PIP4P2: variants seen among roughly 807,000 people sequenced by gnomAD.
PIP4P2 encodes type 2 phosphatidylinositol 4,5-bisphosphate 4-phosphatase.
PIP4P2 carries 19 observed loss-of-function variants against 33.3 expected under a neutral mutation model. The observed-to-expected ratio is 0.57, with a 90% CI of 0.40 to 0.84. The LOEUF (loss-of-function observed/expected upper bound fraction) is 0.84. Among genes scored for constraint, PIP4P2 ranks in the 40% least tolerant of loss-of-function variants. PIP4P2 has a pLI of 0.00. For missense variants in PIP4P2, 270 were observed against 324.7 expected (o/e 0.83, Z 1.29); for synonymous variants, 110 against 111.9 (o/e 0.98, Z 0.11).
intron 1 of PIP4P2, among the ~76,000 whole-genome samples, chr8:91,021,630 T>A (rs1445487927): frequency 6.6e-6 from 1 of 152,214 alleles, no homozygotes; most frequent in Admixed American, 6.6e-5. Flanking sequence ...CATGTTTGCC[T>A]AGGTCTATCC....
chr8:91,009,623 T>G (rs542349686), intron 4 of PIP4P2, among the ~76,000 whole-genome samples: 1 of 152,040 alleles, frequency 6.6e-6, no homozygotes, highest in South Asian at 2.1e-4. Flanking sequence ...ATTAAAATTG[T>G]TTCATTTGGA....
At chr8:91,008,041 C>T (rs1346814093) in intron 5 of PIP4P2, among the ~76,000 whole-genome samples, 3 of 152,146 alleles carry the variant, frequency 2.0e-5, no homozygotes, top group East Asian at 3.9e-4. Flanking sequence ...TTTGCTCCAT[C>T]TGCCTTTTCC....
chr8:91,014,874 C>T (rs758305061), intron 4 of PIP4P2, among the ~76,000 whole-genome samples: 14 of 151,372 alleles, frequency 9.2e-5, no homozygotes, highest in Non-Finnish European at 1.9e-4. Flanking sequence ...TATATCAAAA[C>T]ATTAGGCTGT....
rs190920021 is a variant in PIP4P2 at position 91,023,334 on chromosome 8, T to C, written c.107-1930A>G. On this transcript the variant is annotated intron_variant, in intron 1 of 6. Coordinates refer to ENST00000285419, the MANE Select transcript of PIP4P2 (RefSeq NM_018710.3). ...TTACACAGTATGATAGAAAGGAAAC[T>C]TAAATGCAAGACAGTTTTATAAAGA... 4.7e-3 allele frequency among the ~76,000 whole-genome samples: 714 copies of C among 152,092 alleles called. 8 individuals carry two copies. The highest frequency in any genetic ancestry group is 0.016 in the African/African-American group (664 of 41,494).
intron 4 of PIP4P2, among the ~76,000 whole-genome samples, chr8:91,016,915 C>A (rs1326723518): frequency 6.6e-6 from 1 of 152,026 alleles, no homozygotes; most frequent in African/African-American, 2.4e-5. Context: ...AAGGAGGGGG[C>A]AATTATTTGT....
chr8:90,995,477 A>G lies in PIP4P2; in HGVS notation c.*200T>C, dbSNP rs1401523967. 2.1e-6 allele frequency: 1 copy of G among 473,012 alleles called. No homozygotes were observed. Among genetic ancestry groups the G allele is most frequent in the Non-Finnish European group, 3.3e-6 (1 of 303,518 alleles). 29.3% of individuals were successfully genotyped at this position (473,012 alleles called of 1,614,324 possible). A position where few individuals can be genotyped will look rare whatever the true frequency, so the allele number is the denominator to read the frequency against. ...AACATGAAAAGGCTTTATTATTCAA[A>G]TTTTGAAAACCTAGCAGCAAAACAA... On this transcript the variant is annotated 3_prime_UTR_variant, in exon 7 of 7. Transcript: ENST00000285419.
chr8:91,018,103 C>T (rs1811944771), intron 4 of PIP4P2, among the ~76,000 whole-genome samples: 2 of 152,048 alleles, frequency 1.3e-5, no homozygotes, highest in South Asian at 4.2e-4. Context: ...TCAGCTGCTC[C>T]CCAAGCCAAG....
intron 5 of PIP4P2, among the ~76,000 whole-genome samples, chr8:90,997,056 A>C (rs1811638118): frequency 6.6e-6 from 1 of 152,174 alleles, no homozygotes; most frequent in African/African-American, 2.4e-5. Context: ...AATCTATTTC[A>C]GAATGGAAAA....
At chr8:91,035,838 G>A (rs1004815822) in intron 1 of PIP4P2, among the ~76,000 whole-genome samples, 2 of 152,070 alleles carry the variant, frequency 1.3e-5, no homozygotes, top group African/African-American at 2.4e-5. Flanking sequence ...ACACCAGCCT[G>A]GGCAAGCTGG....
intron 5 of PIP4P2, among the ~76,000 whole-genome samples, chr8:91,000,655 T>G (rs1056355313): frequency 6.6e-6 from 1 of 152,132 alleles, no homozygotes; most frequent in East Asian, 1.9e-4. Context: ...ATTGAAAATA[T>G]GCCTTTTGTC....
At position 91,040,670 on chromosome 8, in the gene PIP4P2, G is replaced by A. The variant is rs750802951; in HGVS notation, c.80C>T (p.Pro27Leu). 4 of 1,613,630 alleles carry A rather than the reference G, an allele frequency of 2.5e-6. No individual in the cohort carries two copies. Among genetic ancestry groups the A allele is most frequent in the Non-Finnish European group, 3.4e-6 (4 of 1,180,028 alleles). ...HSGNVTPTAP[P>L]YLQESSPRAE... ...TCTGGGGCTGCTTTCTTGCAAGTAC[G>A]GTGGGGCGGTGGGAGTGACATTTCC... Residue 27 changes from proline (P) to leucine (L), a missense_variant, in exon 1 of 7, where the codon CCG becomes CTG. Physicochemically the swap from Pro to Leu is moderately conservative, Grantham distance 98. Coordinates refer to ENST00000285419, the MANE Select transcript of PIP4P2 (RefSeq NM_018710.3).
chr8:91,018,606 AC>A, intron 3 of PIP4P2, 93 bp from the exon 4 acceptor site: 1 of 1,539,260 alleles, frequency 6.5e-7, no homozygotes, highest in Non-Finnish European at 8.8e-7. Flanking sequence ...AATGTGCTAT[AC>A]TTGTTTCATA....
At chr8:91,002,376 C>T (rs543144391) in intron 5 of PIP4P2, among the ~76,000 whole-genome samples, 1 of 152,280 alleles carries the variant, frequency 6.6e-6, no homozygotes, top group Non-Finnish European at 1.5e-5. Context: ...TGCTCTCAAA[C>T]ATCTAACTAT....
chr8:91,019,916 A>T (rs989515905), intron 3 of PIP4P2, among the ~76,000 whole-genome samples: 2 of 152,208 alleles, frequency 1.3e-5, no homozygotes, highest in Non-Finnish European at 2.9e-5. Flanking sequence ...CAGTGCATTA[A>T]GTACTTACAT....
chr8:91,018,226 C>A (rs1811946993), intron 4 of PIP4P2, among the ~76,000 whole-genome samples, 164 bp downstream of exon 4: 1 of 152,174 alleles, frequency 6.6e-6, no homozygotes, highest in Admixed American at 6.5e-5. Flanking sequence ...ACAGAAGATG[C>A]TCTATATCCT....
intron 1 of PIP4P2, among the ~76,000 whole-genome samples, chr8:91,032,991 C>A (rs1455861362): frequency 2.6e-5 from 4 of 152,080 alleles, no homozygotes; most frequent in African/African-American, 9.7e-5. Flanking sequence ...CATTTGTATG[C>A]ATTTGGCAAA....
chr8:91,033,262 A>C (rs974230845), intron 1 of PIP4P2, among the ~76,000 whole-genome samples: 1 of 152,198 alleles, frequency 6.6e-6, no homozygotes, highest in African/African-American at 2.4e-5. Flanking sequence ...ACATGACTGA[A>C]ACAGAATAGT....
chr8:91,037,894 T>C (rs932023735), intron 1 of PIP4P2, among the ~76,000 whole-genome samples: 3 of 152,152 alleles, frequency 2.0e-5, no homozygotes, highest in South Asian at 4.1e-4. Flanking sequence ...ACATCAAAAC[T>C]GTGTAAATTT....
intron 5 of PIP4P2, among the ~76,000 whole-genome samples, chr8:91,006,764 T>TTC (rs1563562610): frequency 6.6e-6 from 1 of 152,000 alleles, no homozygotes; most frequent in African/African-American, 2.4e-5. Context: ...AGGTCAGGAG[T>TTC]TCGAGACCAG....
Sources: allele counts gnomAD v4.1 joint callset (sites outside exome capture counted in the v4.1 genomes callset), GRCh38; gene constraint gnomAD v4.1.1; transcripts MANE v1.5; gene names NCBI Gene and HGNC (gene_info 2026-07-23, HGNC 2026-07-21).